Variants in ITSN2 observed in about 807,000 individuals in gnomAD.
The protein encoded by ITSN2 is intersectin 2.
A neutral mutation model predicts 243.7 loss-of-function variants in ITSN2; 156 were observed. The observed-to-expected ratio is 0.64, with a 90% CI of 0.56 to 0.73. ITSN2 has a LOEUF of 0.73. Ranked by LOEUF, ITSN2 falls within the 30% of genes least tolerant of loss-of-function variation. The probability of loss-of-function intolerance (pLI) is 0.00; values close to 1 mark genes in which losing one functional copy is unlikely to be tolerated. For missense variants in ITSN2, 1,801 were observed against 1,996.1 expected (o/e 0.90, Z 1.86); for synonymous variants, 703 against 699.9 (o/e 1.00, Z -0.07).
Position 24,220,964 on chromosome 2 carries a change from TC to T in ITSN2, c.3679del (p.Asp1227ThrfsTer26). 2 of 1,599,640 alleles carry T rather than the reference TC, an allele frequency of 1.3e-6. No individual in the cohort carries two copies. The highest frequency in any genetic ancestry group is 4.6e-5 in the East Asian group (2 of 43,504). Reference protein sequence around the residue: ...LIQTEERYMADLQLVVEVFQK... With the variant: ...LIQTEERYMAXLQLVVEVFQK... ...CCTCACCTCGACGACGAGCTGAAGG[TC>T]AGCCATGTACCGCTCTTCGGTCTGA... On this transcript the variant is annotated frameshift_variant, in exon 30 of 40. Transcript: ENST00000355123. LOFTEE classifies it high-confidence loss of function.
intron 2 of ITSN2, among the ~76,000 whole-genome samples, chr2:24,319,943 AG>A (rs1684359418): frequency 6.6e-6 from 1 of 152,256 alleles, no homozygotes; most frequent in South Asian, 2.1e-4. Context: ...CATTCAGGTC[AG>A]CCTCAACTCA....
At chr2:24,287,086 C>G (rs1239802049) in intron 15 of ITSN2, among the ~76,000 whole-genome samples, 1 of 152,108 alleles carries the variant, frequency 6.6e-6, no homozygotes, top group East Asian at 1.9e-4. Context: ...TCCATTTCAA[C>G]TGCAAGTTCA....
intron 1 of ITSN2, among the ~76,000 whole-genome samples, chr2:24,356,025 C>T (rs1030959929): frequency 6.6e-6 from 1 of 152,050 alleles, no homozygotes; most frequent in African/African-American, 2.4e-5. Context: ...CATGGTGAAA[C>T]CCCATCTCTA....
chr2:24,246,785 CCA>C lies in ITSN2; in HGVS notation c.3385+10_3385+11del, dbSNP rs1179001616. 1 of 1,497,436 alleles carries C rather than the reference CCA, an allele frequency of 6.7e-7. No individual in the cohort carries two copies. Among genetic ancestry groups the C allele is most frequent in the Non-Finnish European group, 9.2e-7 (1 of 1,081,762 alleles). 92.8% of individuals were successfully genotyped at this position (1,497,436 alleles called of 1,614,324 possible). A position where few individuals can be genotyped will look rare whatever the true frequency, so the allele number is the denominator to read the frequency against. On this transcript the variant is annotated intron_variant, in intron 28 of 39. Coordinates refer to ENST00000355123, the MANE Select transcript of ITSN2 (RefSeq NM_006277.3). Reference sequence around the variant, plus strand: ...CCTCTAAAATGAAATACAAATTAACCCACTTCCATACCAGGATGAAAGGCAGG... The same window carrying C: ...CCTCTAAAATGAAATACAAATTAACCCTTCCATACCAGGATGAAAGGCAGG...
intron 1 of ITSN2, among the ~76,000 whole-genome samples, chr2:24,345,401 T>C (rs1158066818): frequency 6.6e-6 from 1 of 152,218 alleles, no homozygotes; most frequent in Non-Finnish European, 1.5e-5. Flanking sequence ...TATCAGCCAC[T>C]GAAGTACATT....
chr2:24,333,901 GT>G, intron 1 of ITSN2, among the ~76,000 whole-genome samples: 1 of 152,080 alleles, frequency 6.6e-6, no homozygotes, highest in South Asian at 2.1e-4. Flanking sequence ...TTTTTGTTTT[GT>G]TTTTTGAGAC....
rs1429120961 is a variant in ITSN2, at chr2:24,303,824, A to G, written c.832T>C (p.Ser278Pro). 2 of 1,610,630 alleles carry G rather than the reference A, an allele frequency of 1.2e-6. No individual in the cohort carries two copies. The highest frequency in any genetic ancestry group is 3.3e-5 in the Admixed American group (2 of 60,028). ...ARNALLQSNL[S>P]QTQLATIWTL... The stretch of plus-strand genomic sequence containing the variant: ...CAAATAGTAGCCAGCTGAGTTTGAG[A>G]AAGATTTGACTGAAGAAGGGCATTT... The change falls in exon 9 of 40, where the codon TCT becomes CCT. Residue 278 changes from serine (S) to proline (P), a missense_variant. Transcript: ENST00000355123.
intron 17 of ITSN2, among the ~76,000 whole-genome samples, chr2:24,279,437 G>A (rs80167877): frequency 0.013 from 1,954 of 152,180 alleles, 58 homozygotes; most frequent in African/African-American, 0.043. Flanking sequence ...AGAAGAGTGA[G>A]GGAAAGTAAT....
chr2:24,225,532 A>G lies in ITSN2; in HGVS notation c.3578-4466T>C, dbSNP rs1396736230. On this transcript the variant is annotated intron_variant, in intron 29 of 39. Transcript: ENST00000355123. The surrounding 1 kb of genome is among the most constrained non-coding windows in gnomAD (Gnocchi z 4.2). ...CCTTGGATGGGAGGCTTTTTTGGAG[A>G]CTTGAGTCTGCCTTTCTCAGCCCTT... Among the ~76,000 whole-genome samples, 2 of 151,710 alleles carry G rather than the reference A, an allele frequency of 1.3e-5. No homozygotes were observed. The highest frequency in any genetic ancestry group is 2.4e-5 in the African/African-American group (1 of 41,266).
chr2:24,271,111 G>A (rs1044526310), intron 19 of ITSN2, among the ~76,000 whole-genome samples: 3 of 152,052 alleles, frequency 2.0e-5, no homozygotes, highest in Non-Finnish European at 4.4e-5. Context: ...TTTGATCTGT[G>A]GAGGTCTGAA....
intron 19 of ITSN2, among the ~76,000 whole-genome samples, chr2:24,271,164 T>C (rs544856792): frequency 6.6e-6 from 1 of 152,016 alleles, no homozygotes; most frequent in South Asian, 2.1e-4. Context: ...TCTCAAAAGA[T>C]AAGAATAGCA....
chr2:24,208,973 T>C, intron 36 of ITSN2, 127 bp downstream of exon 36: 1 of 998,300 alleles, frequency 1.0e-6, no homozygotes, highest in Non-Finnish European at 1.5e-6. Flanking sequence ...AGAGGGGATG[T>C]GTTAAGAGAG....
rs752562191 is a variant in ITSN2, at chr2:24,270,727, G to A, written c.2299C>T (p.Pro767Ser). Residue 767 changes from proline (P) to serine (S), a missense_variant, in exon 20 of 40, where the codon CCC becomes TCC. By Grantham distance (74) the Pro-to-Ser change is moderately conservative. Coordinates refer to ENST00000355123, the MANE Select transcript of ITSN2 (RefSeq NM_006277.3). ...SVLVNYRALY[P>S]FEARNHDEMS... is the part of the protein sequence containing the mutation. ...TCATCATGGTTCCTTGCTTCAAAGG[G>A]GTATAATGCTCTATAATTCACCAAA... The A allele has an allele frequency of 6.2e-7, 1 of 1,601,794 alleles. No individual in the cohort carries two copies. Among genetic ancestry groups the A allele is most frequent in the Non-Finnish European group, 8.5e-7 (1 of 1,170,606 alleles).
In ITSN2 at chr2:24,220,979, T is replaced by C; in HGVS notation, c.3665A>G (p.Glu1222Gly). 6.2e-7 allele frequency: 1 copy of C among 1,609,914 alleles called. No homozygotes were observed. Residue 1222 changes from glutamate (E) to glycine (G), a missense_variant, in exon 30 of 40, where the codon GAG (glutamate) becomes GGG (glycine). Physicochemically the swap from Glu to Gly is moderately conservative, Grantham distance 98. This residue lies in a region of ITSN2 where 928 missense variants were observed against 1,065.4 expected (regional missense o/e 0.87). Transcript: ENST00000355123. ...GAGCTGAAGGTCAGCCATGTACCGCTCTTCGGTCTGAATCAGCTCATGAAT... is the reference window on the plus strand; with the variant it reads ...GAGCTGAAGGTCAGCCATGTACCGCCCTTCGGTCTGAATCAGCTCATGAAT... ...GYIHELIQTE[E>G]RYMADLQLVV...
intron 9 of ITSN2, 143 bp from the exon 10 acceptor site, chr2:24,302,245 C>G (rs1295649667): frequency 2.6e-6 from 1 of 387,958 alleles, no homozygotes; most frequent in African/African-American, 2.2e-5. Flanking sequence ...GTCGCTCAAC[C>G]TGGAGTGCAG....
At chr2:24,220,578 G>A (rs1458796634) in intron 30 of ITSN2, 1 of 1,084,400 alleles carries the variant, frequency 9.2e-7, no homozygotes, top group Non-Finnish European at 1.1e-6. Context: ...ACAGATATTA[G>A]GCAAATATCC....
chr2:24,304,981 T>A (rs753189549), intron 8 of ITSN2, among the ~76,000 whole-genome samples: 13 of 152,222 alleles, frequency 8.5e-5, no homozygotes, highest in Non-Finnish European at 1.5e-5. Context: ...CCTCAATTCT[T>A]TACTTTGTAG....
chr2:24,228,857 A>T (rs948054543), intron 29 of ITSN2, among the ~76,000 whole-genome samples: 1 of 152,236 alleles, frequency 6.6e-6, no homozygotes, highest in Admixed American at 6.5e-5. Flanking sequence ...GTCAGTGAAA[A>T]GAGAGGCTCT....
Position 24,208,203 on chromosome 2 carries a change from G to A in ITSN2, c.4678+34C>T, listed in dbSNP as rs572631075. 3.2e-6 allele frequency: 5 copies of A among 1,577,636 alleles called. No homozygotes were observed. The Admixed American group carries it at 8.4e-5, about 26-fold the overall frequency. On this transcript the variant is annotated intron_variant, in intron 37 of 39. Transcript: ENST00000355123. ...GTGGCCGGCATTCCTAGGGCCCCTG[G>A]GGGCTGCGTCCCACCCTCCGGGCAC...
Sources: allele counts gnomAD v4.1 joint callset (sites outside exome capture counted in the v4.1 genomes callset), GRCh38; gene constraint gnomAD v4.1.1; regional missense constraint gnomAD v4.1.1; non-coding constraint Gnocchi (gnomAD v3.1); transcripts MANE v1.5; gene names NCBI Gene and HGNC (gene_info 2026-07-23, HGNC 2026-07-21).